NUDT4: variants seen among roughly 807,000 people sequenced by gnomAD.
NUDT4 encodes the protein nudix hydrolase 4, also known as diphosphoinositol polyphosphate phosphohydrolase 2.
Under a neutral mutation model 23.1 loss-of-function variants are expected in NUDT4, and 5 were observed. That is an observed-to-expected ratio of 0.22 (90% CI 0.11 to 0.46). The LOEUF is 0.46. Among genes scored for constraint, NUDT4 ranks in the 20% least tolerant of loss-of-function variants. The pLI, the probability that NUDT4 is intolerant of heterozygous loss-of-function variation, is 0.99. For synonymous variants in NUDT4, 50 were observed against 79.0 expected (o/e 0.63, Z 1.95); for missense variants, 96 against 211.6 (o/e 0.45, Z 3.39).
intron 1 of NUDT4, among the ~76,000 whole-genome samples, chr12:93,380,028 C>T (rs1875546595): frequency 6.6e-6 from 1 of 152,194 alleles, no homozygotes; most frequent in South Asian, 2.1e-4. Flanking sequence ...AAGTTACTCC[C>T]ATTTTATAGG....
At chr12:93,393,113 G>T (rs1342553389) in intron 1 of NUDT4, among the ~76,000 whole-genome samples, 2 of 119,162 alleles carry the variant, frequency 1.7e-5, no homozygotes, top group African/African-American at 6.9e-5. Context: ...TTTTTTCCCC[G>T]AGATGGAGTC....
rs1198059794 is a variant in NUDT4 at position 93,406,511 on chromosome 12, A to G, written c.*7132A>G. On this transcript the variant is annotated 3_prime_UTR_variant, in exon 5 of 5. Transcript: ENST00000415493. The stretch of plus-strand genomic sequence containing the variant: ...TTAAGTGCTTCTTTGAAATTGTTTT[A>G]CAAGTACATTCTTGGTCTAGAGTAA... 1.3e-5 allele frequency: 2 copies of G among 152,126 alleles called. No homozygotes were observed. Among genetic ancestry groups the G allele is most frequent in the African/African-American group, 2.4e-5 (1 of 41,404 alleles). 9.4% of individuals were successfully genotyped at this position (152,126 alleles called of 1,614,324 possible). A position where few individuals can be genotyped will look rare whatever the true frequency, so the allele number is the denominator to read the frequency against.
chr12:93,386,442 T>C (rs1157666226), intron 1 of NUDT4, among the ~76,000 whole-genome samples: 1 of 151,928 alleles, frequency 6.6e-6, no homozygotes, highest in Admixed American at 6.6e-5. Context: ...GAGCCGAGCA[T>C]GGTGGTGTGT....
intron 3 of NUDT4, among the ~76,000 whole-genome samples, chr12:93,397,613 G>T (rs913581490): frequency 6.6e-6 from 1 of 151,870 alleles, no homozygotes; most frequent in African/African-American, 2.4e-5. Flanking sequence ...CGCCACGTCC[G>T]CCTCCTGGGC....
Position 93,405,093 on chromosome 12 carries a change from G to A in NUDT4, c.*5714G>A, listed in dbSNP as rs1338290221. On this transcript the variant is annotated 3_prime_UTR_variant, in exon 5 of 5. Transcript: ENST00000415493. ...TAACTTGGACTTACTTGGTTGCTCA[G>A]TCCTGATGTGTCCTGTTAAAACCTA... The A allele has an allele frequency of 6.6e-6, 1 of 152,114 alleles. No homozygotes were observed. The highest frequency in any genetic ancestry group is 1.5e-5 in the Non-Finnish European group (1 of 68,032). 9.4% of individuals were successfully genotyped at this position (152,114 alleles called of 1,614,324 possible). A position where few individuals can be genotyped will look rare whatever the true frequency, so the allele number is the denominator to read the frequency against.
At position 93,385,937 on chromosome 12, in the gene NUDT4, C is replaced by CTT. The variant is rs1205267244; in HGVS notation, c.99+7520_99+7521dup. On this transcript the variant is annotated intron_variant, in intron 1 of 4. Transcript: ENST00000415493. ...TTTTATATATATATATATAGTAAAT[C>CTT]TTTTTATATATATATATATATATAT... Among the ~76,000 whole-genome samples the CTT allele has an allele frequency of 1.3e-3, 78 of 60,964 alleles. No individual in the cohort carries two copies. The East Asian group carries it at 0.023, about 18-fold the overall frequency. 40.0% of individuals were successfully genotyped at this position (60,964 alleles called of 152,430 possible).
At chr12:93,382,804 G>A (rs1875781013) in intron 1 of NUDT4, among the ~76,000 whole-genome samples, 1 of 151,248 alleles carries the variant, frequency 6.6e-6, no homozygotes, top group South Asian at 2.1e-4. Context: ...TGGGACTACA[G>A]GCAGCCGCCA....
At position 93,400,522 on chromosome 12, in the gene NUDT4, A is replaced by G. The variant is rs1291224345; in HGVS notation, c.*1143A>G. On this transcript the variant is annotated 3_prime_UTR_variant, in exon 5 of 5. Transcript: ENST00000415493. The stretch of plus-strand genomic sequence containing the variant: ...AAATCAAGAATCCCATCTAAAACAC[A>G]TAGGTACCTTATCTGAAACTCTTGC... 1 of 152,284 alleles carries G rather than the reference A, an allele frequency of 6.6e-6. No individual in the cohort carries two copies. The highest frequency in any genetic ancestry group is 1.5e-5 in the Non-Finnish European group (1 of 68,044). 9.4% of individuals were successfully genotyped at this position (152,284 alleles called of 1,614,324 possible).
chr12:93,402,299 A>G lies in NUDT4; in HGVS notation c.*2920A>G, dbSNP rs1016583107. On this transcript the variant is annotated 3_prime_UTR_variant, in exon 5 of 5. Transcript: ENST00000415493. Reference sequence around the variant, plus strand: ...TGATCATGGCTTTAAAAAAAAAACAAAAACACACACACATGAACTCAGATT... The same window carrying G: ...TGATCATGGCTTTAAAAAAAAAACAGAAACACACACACATGAACTCAGATT... The G allele has an allele frequency of 6.6e-6, 1 of 152,220 alleles. No individual in the cohort carries two copies. Among genetic ancestry groups the G allele is most frequent in the South Asian group, 2.1e-4 (1 of 4,832 alleles). The allele number at this position is 152,220 out of a possible 1,614,324, so 9.4% of individuals were successfully genotyped here.
At chr12:93,379,435 AGGCTGGAGATGGGAATTTAAT>A (rs1188757789) in intron 1 of NUDT4, among the ~76,000 whole-genome samples, 1 of 152,230 alleles carries the variant, frequency 6.6e-6, no homozygotes, top group Non-Finnish European at 1.5e-5. Flanking sequence ...TACTAGGCTA[AGGCTGGAGATGGGAATTTAAT>A]GGCTTCCTTA....
At position 93,405,316 on chromosome 12, in the gene NUDT4, A is replaced by T. The variant is rs1877742234; in HGVS notation, c.*5937A>T. The T allele has an allele frequency of 6.7e-6, 1 of 150,216 alleles. No homozygotes were observed. The highest frequency in any genetic ancestry group is 1.5e-5 in the Non-Finnish European group (1 of 66,922). The allele number at this position is 150,216 out of a possible 1,614,324, so 9.3% of individuals were successfully genotyped here. A position where few individuals can be genotyped will look rare whatever the true frequency, so the allele number is the denominator to read the frequency against. ...CAAAAGCAGTCATATGGTAAGATGG[A>T]TCAGGAGTCTTTAAAAATAAAACTG... On this transcript the variant is annotated 3_prime_UTR_variant, in exon 5 of 5. Transcript: ENST00000415493.
At position 93,394,543 on chromosome 12, in the gene NUDT4, GAGA is replaced by G. The variant is rs1876792546; in HGVS notation, c.100-64_100-62del. The G allele has an allele frequency of 3.4e-6, 3 of 885,238 alleles. 1 individual carries two copies. The South Asian group carries it at 4.5e-5, about 13-fold the overall frequency. 54.8% of individuals were successfully genotyped at this position (885,238 alleles called of 1,614,324 possible). On this transcript the variant is annotated intron_variant, in intron 1 of 4. Transcript: ENST00000415493. ...TAGAGTTATAACCTTGCAGAGGTTTGAGAATGTTGTTTATATACGAAGTGCTTC... is the reference window on the plus strand; with the variant it reads ...TAGAGTTATAACCTTGCAGAGGTTTGATGTTGTTTATATACGAAGTGCTTC...
In NUDT4 at chr12:93,399,444, C is replaced by A; in HGVS notation, c.*65C>A. 2 of 478,656 alleles carry A rather than the reference C, an allele frequency of 4.2e-6. No homozygotes were observed. Among genetic ancestry groups the A allele is most frequent in the Non-Finnish European group, 7.2e-6 (2 of 279,288 alleles). The allele number at this position is 478,656 out of a possible 1,614,324, so 29.7% of individuals were successfully genotyped here. Reference sequence around the variant, plus strand: ...TGGGGAGAGGCTTCTTTCGTTTCCTCGTCAAACATCTGATTGACGCTTGCA... The same window carrying A: ...TGGGGAGAGGCTTCTTTCGTTTCCTAGTCAAACATCTGATTGACGCTTGCA... On this transcript the variant is annotated 3_prime_UTR_variant, in exon 5 of 5. Coordinates refer to ENST00000415493, the MANE Select transcript of NUDT4 (RefSeq NM_019094.6).
rs1444149419 is a variant in NUDT4 at position 93,404,627 on chromosome 12, G to A, written c.*5248G>A. 1 of 152,214 alleles carries A rather than the reference G, an allele frequency of 6.6e-6. No individual in the cohort carries two copies. Among genetic ancestry groups the A allele is most frequent in the African/African-American group, 2.4e-5 (1 of 41,452 alleles). 9.4% of individuals were successfully genotyped at this position (152,214 alleles called of 1,614,324 possible). A position where few individuals can be genotyped will look rare whatever the true frequency, so the allele number is the denominator to read the frequency against. ...TACTTTGTGGTTACCAAAGAGCTAT[G>A]TGCTGCCACAGGGAGTCCTTTCAAT... On this transcript the variant is annotated 3_prime_UTR_variant, in exon 5 of 5. Coordinates refer to ENST00000415493, the MANE Select transcript of NUDT4 (RefSeq NM_019094.6).
chr12:93,392,935 C>A (rs1876659656), intron 1 of NUDT4, among the ~76,000 whole-genome samples: 1 of 137,596 alleles, frequency 7.3e-6, no homozygotes, highest in Admixed American at 7.6e-5. Flanking sequence ...CCCACCTCAG[C>A]CTCCCAAAGT....
intron 1 of NUDT4, among the ~76,000 whole-genome samples, chr12:93,390,022 CAT>C (rs1876375158): frequency 6.6e-6 from 1 of 152,140 alleles, no homozygotes; most frequent in African/African-American, 2.4e-5. Flanking sequence ...CTGGAAACAT[CAT>C]AGTCAATGAC....
At chr12:93,392,677 TTTTTTTTC>T (rs1323153328) in intron 1 of NUDT4, among the ~76,000 whole-genome samples, 1 of 113,312 alleles carries the variant, frequency 8.8e-6, no homozygotes, top group South Asian at 3.1e-4. Context: ...TTTTTTTTTT[TTTTTTTTC>T]CCCCGAGATG....
chr12:93,393,108 TC>T (rs1555194022), intron 1 of NUDT4, among the ~76,000 whole-genome samples: 2 of 133,576 alleles, frequency 1.5e-5, no homozygotes, highest in African/African-American at 6.0e-5. Context: ...TTTTTTTTTT[TC>T]CCCGAGATGG....
At chr12:93,397,121 T>C (rs1391008716) in intron 3 of NUDT4, among the ~76,000 whole-genome samples, 1 of 152,144 alleles carries the variant, frequency 6.6e-6, no homozygotes, top group Non-Finnish European at 1.5e-5. Flanking sequence ...CACACGTCAA[T>C]CAAAAAATAC....
Sources: allele counts gnomAD v4.1 joint callset (sites outside exome capture counted in the v4.1 genomes callset), GRCh38; gene constraint gnomAD v4.1.1; transcripts MANE v1.5; gene names NCBI Gene and HGNC (gene_info 2026-07-23, HGNC 2026-07-21).